The following NEGR1 variants were observed in gnomAD, a reference collection of about 807,000 sequenced individuals.
NEGR1 encodes the protein IgLON family member 4.
NEGR1 carries 10 observed loss-of-function variants against 40.9 expected under a neutral mutation model. The ratio of observed to expected loss-of-function variants is 0.24; its 90% confidence interval spans 0.15 to 0.42. The LOEUF is 0.42. Among genes scored for constraint, NEGR1 ranks in the 10% least tolerant of loss-of-function variants. The pLI, the probability that NEGR1 is intolerant of heterozygous loss-of-function variation, is 1.00. For missense variants in NEGR1, 352 were observed against 438.9 expected (o/e 0.80, Z 1.77); for synonymous variants, 185 against 166.8 (o/e 1.11, Z -0.84).
At chr1:71,620,580 C>G (rs886953620) in intron 4 of NEGR1, among the ~76,000 whole-genome samples, 2 of 151,866 alleles carry the variant, frequency 1.3e-5, no homozygotes, top group Non-Finnish European at 2.9e-5. Context: ...ATAAGGTCAA[C>G]CAACTCTTTT....
intron 4 of NEGR1, among the ~76,000 whole-genome samples, chr1:71,616,991 C>T (rs947043992): frequency 1.3e-5 from 2 of 152,180 alleles, no homozygotes; most frequent in Non-Finnish European, 2.9e-5. Flanking sequence ...GCCATGAAAA[C>T]TTCAAAACTG....
intron 4 of NEGR1, among the ~76,000 whole-genome samples, chr1:71,652,891 T>A (rs560365395): frequency 6.6e-6 from 1 of 152,096 alleles, no homozygotes; most frequent in East Asian, 1.9e-4. Flanking sequence ...TGCCACCCCC[T>A]GTTCTAAATA....
At chr1:71,834,909 A>ACACACACAC (rs1553168608) in intron 2 of NEGR1, among the ~76,000 whole-genome samples, 3 of 151,746 alleles carry the variant, frequency 2.0e-5, no homozygotes, top group South Asian at 2.1e-4. Flanking sequence ...ACACACACAC[A>ACACACACAC]GCAGTTATCT....
chr1:72,112,240 G>T (rs1649400867), intron 1 of NEGR1, among the ~76,000 whole-genome samples: 2 of 145,336 alleles, frequency 1.4e-5, no homozygotes. Context: ...GAATATTGAT[G>T]GCTCAGAGTT....
At chr1:71,534,800 G>A (rs867115854) in intron 6 of NEGR1, among the ~76,000 whole-genome samples, 1 of 151,566 alleles carries the variant, frequency 6.6e-6, no homozygotes, top group East Asian at 2.0e-4. Context: ...AGTTAGAAAT[G>A]CCAGGCCTCA....
chr1:72,156,959 G>GTTA (rs950952732), intron 1 of NEGR1, among the ~76,000 whole-genome samples: 2 of 107,344 alleles, frequency 1.9e-5, no homozygotes, highest in African/African-American at 5.8e-5. Context: ...TGTTGTTGTT[G>GTTA]TTGTTGTCTG....
intron 1 of NEGR1, among the ~76,000 whole-genome samples, chr1:72,034,283 C>T (rs1462340138): frequency 6.6e-6 from 1 of 152,140 alleles, no homozygotes; most frequent in Non-Finnish European, 1.5e-5. Flanking sequence ...ATTTCTTTAG[C>T]CCTTGGAAAA....
intron 1 of NEGR1, among the ~76,000 whole-genome samples, chr1:72,180,713 C>T (rs570061375): frequency 6.6e-6 from 1 of 152,196 alleles, no homozygotes; most frequent in South Asian, 2.1e-4. Context: ...TGAAAAAGTG[C>T]TCATCATTAA....
chr1:72,110,460 C>T (rs959847246), intron 1 of NEGR1, among the ~76,000 whole-genome samples: 2 of 151,378 alleles, frequency 1.3e-5, no homozygotes, highest in East Asian at 3.9e-4. Flanking sequence ...CTTAGGTTTG[C>T]CTGTTTATTT....
intron 3 of NEGR1, among the ~76,000 whole-genome samples, chr1:71,746,123 C>T (rs1022576801): frequency 1.3e-5 from 2 of 152,168 alleles, no homozygotes; most frequent in African/African-American, 4.8e-5. Context: ...CTGAAGGCTC[C>T]TGTGTCATAT....
intron 1 of NEGR1, among the ~76,000 whole-genome samples, chr1:72,033,150 T>A (rs1646873790): frequency 6.6e-6 from 1 of 152,294 alleles, no homozygotes; most frequent in Non-Finnish European, 1.5e-5. Context: ...AATTAAACTT[T>A]AGGCTTTGCC....
At chr1:71,907,490 CTAAAAAGTGAAAAA>C (rs1661309278) in intron 2 of NEGR1, among the ~76,000 whole-genome samples, 1 of 151,960 alleles carries the variant, frequency 6.6e-6, no homozygotes, top group Non-Finnish European at 1.5e-5. Context: ...ATGGCTATTA[CTAAAAAGTGAAAAA>C]ACAACAGAGG....
chr1:71,925,616 C>G (rs1570509889), intron 2 of NEGR1, among the ~76,000 whole-genome samples: 1 of 151,934 alleles, frequency 6.6e-6, no homozygotes, highest in Non-Finnish European at 1.5e-5. Flanking sequence ...AAAATGTTAT[C>G]TTTGCTTTAC....
chr1:71,525,217 G>C (rs1042427680), intron 6 of NEGR1, among the ~76,000 whole-genome samples: 2 of 151,732 alleles, frequency 1.3e-5, no homozygotes, highest in African/African-American at 4.8e-5. Context: ...TGTTCAGCCT[G>C]TAGGGCTGTC....
intron 1 of NEGR1, among the ~76,000 whole-genome samples, chr1:72,171,737 C>T (rs897990451): frequency 6.6e-6 from 1 of 152,102 alleles, no homozygotes; most frequent in African/African-American, 2.4e-5. Context: ...CAACTTCATT[C>T]CCCCTCTTTA....
At chr1:71,938,117 C>G (rs1057448947) in intron 1 of NEGR1, among the ~76,000 whole-genome samples, 2 of 151,812 alleles carry the variant, frequency 1.3e-5, no homozygotes, top group Non-Finnish European at 2.9e-5. Context: ...ATTAGTAATA[C>G]TCTTGAATGA....
intron 2 of NEGR1, among the ~76,000 whole-genome samples, chr1:71,898,178 G>T (rs978996914): frequency 6.6e-6 from 1 of 152,150 alleles, no homozygotes; most frequent in Non-Finnish European, 1.5e-5. Flanking sequence ...AGTCTGGTAG[G>T]TATTTAAAAT....
chr1:72,209,223 T>A (rs993122076), intron 1 of NEGR1, among the ~76,000 whole-genome samples: 1 of 151,694 alleles, frequency 6.6e-6, no homozygotes, highest in Admixed American at 6.6e-5. Flanking sequence ...AAAAATAGTA[T>A]ATGATCTCAT....
At chr1:71,684,578 A>G (rs1047864421) in intron 4 of NEGR1, among the ~76,000 whole-genome samples, 8 of 152,198 alleles carry the variant, frequency 5.3e-5, no homozygotes, top group Non-Finnish European at 8.8e-5. Context: ...GTTAGGGAAG[A>G]AACTTCAGTT....
Sources: gnomAD v4.1 joint callset for allele counts (sites outside exome capture counted in the v4.1 genomes callset) on GRCh38, gnomAD v4.1.1 for gene constraint, MANE v1.5 for transcripts, NCBI Gene and HGNC (gene_info 2026-07-23, HGNC 2026-07-21) for gene names.